The following GPATCH2L variants were observed in gnomAD, a reference collection of about 807,000 sequenced individuals.
GPATCH2L encodes the protein G patch domain-containing protein 2-like.
GPATCH2L carries 31 observed loss-of-function variants against 57.4 expected under a neutral mutation model. That is an observed-to-expected ratio of 0.54 (90% CI 0.41 to 0.73). The LOEUF (loss-of-function observed/expected upper bound fraction) is 0.73. Ranked by LOEUF, GPATCH2L falls within the 30% of genes least tolerant of loss-of-function variation. GPATCH2L has a pLI of 0.00. For synonymous variants in GPATCH2L, 199 were observed against 210.7 expected, an observed-to-expected ratio of 0.94 and a Z score of 0.48; for missense variants, 481 against 599.9, an observed-to-expected ratio of 0.80 and a Z score of 2.07.
intron 1 of GPATCH2L, among the ~76,000 whole-genome samples, chr14:76,224,145 A>G (rs72729615): frequency 4.2e-3 from 645 of 152,330 alleles, no homozygotes; most frequent in Non-Finnish European, 7.2e-3. Flanking sequence ...AGAAAAGGCC[A>G]TATTCCACTT....
chr14:76,166,315 T>C (rs1313788580), intron 2 of GPATCH2L, among the ~76,000 whole-genome samples: 1 of 152,230 alleles, frequency 6.6e-6, no homozygotes, highest in Non-Finnish European at 1.5e-5. Context: ...TTGGCAATAT[T>C]TGAGAATAAA....
At chr14:76,195,230 A>G (rs2040110100) in intron 8 of GPATCH2L, among the ~76,000 whole-genome samples, 1 of 152,228 alleles carries the variant, frequency 6.6e-6, no homozygotes, top group Admixed American at 6.5e-5. Context: ...GTGAACTAAA[A>G]TAGCATACCA....
intron 3 of GPATCH2L, among the ~76,000 whole-genome samples, chr14:76,171,235 G>C (rs2039065970): frequency 6.6e-6 from 1 of 151,026 alleles, no homozygotes; most frequent in South Asian, 2.1e-4. Context: ...GAGTTCAAGA[G>C]CAGCCTGGGC....
intron 2 of GPATCH2L, among the ~76,000 whole-genome samples, chr14:76,155,937 A>C (rs2038287400): frequency 6.6e-6 from 1 of 152,194 alleles, no homozygotes; most frequent in South Asian, 2.1e-4. Context: ...GAGTACTCCC[A>C]GTTGAGAACC....
At chr14:76,226,699 T>C (rs1025158904) in intron 1 of GPATCH2L, among the ~76,000 whole-genome samples, 2 of 152,168 alleles carry the variant, frequency 1.3e-5, no homozygotes, top group Non-Finnish European at 2.9e-5. Context: ...CACCATCCGC[T>C]GTGTGAGGAT....
intron 8 of GPATCH2L, among the ~76,000 whole-genome samples, chr14:76,190,492 A>G (rs897081502): frequency 6.6e-6 from 1 of 152,136 alleles, no homozygotes; most frequent in African/African-American, 2.4e-5. Flanking sequence ...TACACTATGA[A>G]AGAAGCGTAT....
intron 1 of GPATCH2L, chr14:76,152,422 G>A (rs919495353): frequency 9.0e-5 from 26 of 289,130 alleles, no homozygotes; most frequent in Non-Finnish European, 1.8e-4. Context: ...TAGAAGAGCC[G>A]ATCCCCGCCC....
At chr14:76,226,012 G>A (rs1017980805) in intron 1 of GPATCH2L, among the ~76,000 whole-genome samples, 1 of 152,136 alleles carries the variant, frequency 6.6e-6, no homozygotes, top group Non-Finnish European at 1.5e-5. Context: ...TACTGTCAGG[G>A]AGTAAATTCG....
At chr14:76,175,135 C>G (rs1176630764) in intron 5 of GPATCH2L, 1 of 152,084 alleles carries the variant, frequency 6.6e-6, no homozygotes, top group Non-Finnish European at 1.5e-5. Context: ...ATAATGTTCC[C>G]CCTGCCACCT....
At chr14:76,232,072 C>T (rs2040574067) in intron 2 of GPATCH2L, among the ~76,000 whole-genome samples, 1 of 9,928 alleles carries the variant, frequency 1.0e-4, no homozygotes, top group African/African-American at 1.7e-4. Context: ...CCACCACGCC[C>T]AGCTAATTTT....
chr14:76,158,188 T>G (rs2139563026), intron 2 of GPATCH2L, among the ~76,000 whole-genome samples: 1 of 152,292 alleles, frequency 6.6e-6, no homozygotes, highest in South Asian at 2.1e-4. Flanking sequence ...TCAGGAGCCT[T>G]CCTAAGGTGA....
chr14:76,180,838 C>T lies in GPATCH2L; in HGVS notation c.1182C>T (p.His394=), dbSNP rs757472066. ...CTCACCGAAGGTGTTCACCAGCACA[C>T]TGCTCTGCCAGGTAATTGTCTTTTA... ...DASHRRCSPA[H]CSARQANVHW... Residue 394 remains histidine, a synonymous_variant, in exon 8 of 10, where the codon CAC becomes CAT. Coordinates refer to ENST00000261530, the MANE Select transcript of GPATCH2L (RefSeq NM_017926.4). 2.5e-6 allele frequency: 4 copies of T among 1,605,892 alleles called. No homozygotes were observed. The South Asian group carries it at 4.4e-5, about 18-fold the overall frequency.
At chr14:76,194,721 TTA>T (rs150644545) in intron 8 of GPATCH2L, among the ~76,000 whole-genome samples, 2,821 of 152,276 alleles carry the variant, frequency 0.019, 66 homozygotes, top group African/African-American at 0.065. Context: ...TGGTATAATT[TTA>T]TATGTTATTT....
Position 76,210,131 on chromosome 14 carries a change from C to T in GPATCH2L, c.*8280C>T, listed in dbSNP as rs1005910875. The stretch of plus-strand genomic sequence containing the variant: ...TATACTATCCTTGAAACTATTAGGC[C>T]CCTGTCCAGAGTACCTAATAATAAT... On this transcript the variant is annotated 3_prime_UTR_variant, in exon 10 of 10. Coordinates refer to ENST00000261530, the MANE Select transcript of GPATCH2L (RefSeq NM_017926.4). The T allele has an allele frequency of 6.6e-6, 1 of 152,088 alleles. No homozygotes were observed. The highest frequency in any genetic ancestry group is 2.4e-5 in the African/African-American group (1 of 41,406). 9.4% of individuals were successfully genotyped at this position (152,088 alleles called of 1,614,324 possible).
At position 76,206,126 on chromosome 14, in the gene GPATCH2L, A is replaced by G. The variant is rs2040373296; in HGVS notation, c.*4275A>G. On this transcript the variant is annotated 3_prime_UTR_variant, in exon 10 of 10. Transcript: ENST00000261530. ...CCCTCTGCTAGTGCTTGAGCTGCCAATTTTATTTGTCAGTATTTCCTGATC... is the reference window on the plus strand; with the variant it reads ...CCCTCTGCTAGTGCTTGAGCTGCCAGTTTTATTTGTCAGTATTTCCTGATC... The G allele has an allele frequency of 6.6e-6, 1 of 152,226 alleles. No homozygotes were observed. The highest frequency in any genetic ancestry group is 2.1e-4 in the South Asian group (1 of 4,828). The allele number at this position is 152,226 out of a possible 1,614,324, so 9.4% of individuals were successfully genotyped here.
At chr14:76,232,768 T>A (rs1009319985) in intron 2 of GPATCH2L, among the ~76,000 whole-genome samples, 1 of 152,184 alleles carries the variant, frequency 6.6e-6, no homozygotes, top group African/African-American at 2.4e-5. Flanking sequence ...GGAAGTGTCC[T>A]TTTCCCAGCA....
intron 8 of GPATCH2L, among the ~76,000 whole-genome samples, chr14:76,189,866 G>T (rs752256871): frequency 6.6e-6 from 1 of 151,944 alleles, no homozygotes; most frequent in South Asian, 2.1e-4. Context: ...TTGTGTTGAG[G>T]TATGTTCCTT....
rs4372621 is a variant in GPATCH2L at position 76,213,891 on chromosome 14, G to C, written c.*12040G>C. The C allele has an allele frequency of 0.21, 31,301 of 151,934 alleles. 3,573 individuals are homozygous for C. Among genetic ancestry groups the C allele is most frequent in the African/African-American group, 0.31 (12,670 of 41,398 alleles). The allele number at this position is 151,934 out of a possible 1,614,324, so 9.4% of individuals were successfully genotyped here. On this transcript the variant is annotated 3_prime_UTR_variant, in exon 10 of 10. Coordinates refer to ENST00000261530, the MANE Select transcript of GPATCH2L (RefSeq NM_017926.4). ...GTTTTCCCAGTAATGTTGTTTTTCTGGTTCGGTATTCAATCCAGGATCCAT... is the reference window on the plus strand; with the variant it reads ...GTTTTCCCAGTAATGTTGTTTTTCTCGTTCGGTATTCAATCCAGGATCCAT...
At chr14:76,219,491 TA>T (rs1044556998) in intron 1 of GPATCH2L, among the ~76,000 whole-genome samples, 1 of 152,190 alleles carries the variant, frequency 6.6e-6, no homozygotes, top group African/African-American at 2.4e-5. Context: ...AGTATCTTAT[TA>T]AAATTACAAA....
Sources: gnomAD v4.1 joint callset for allele counts (sites outside exome capture counted in the v4.1 genomes callset) on GRCh38, gnomAD v4.1.1 for gene constraint, MANE v1.5 for transcripts, NCBI Gene and HGNC (gene_info 2026-07-23, HGNC 2026-07-21) for gene names.